The following PCDHA13 variants were observed in gnomAD, a reference collection of about 807,000 sequenced individuals.
PCDHA13 encodes the protein protocadherin alpha 13, also known as protocadherin alpha-13.
PCDHA13 carries 54 observed loss-of-function variants against 64.8 expected under a neutral mutation model. The ratio of observed to expected loss-of-function variants is 0.83; its 90% confidence interval spans 0.67 to 1.04. The LOEUF (loss-of-function observed/expected upper bound fraction) is 1.04, where lower values mean the gene tolerates loss of function less well. Among genes scored for constraint, PCDHA13 ranks in the 50% least tolerant of loss-of-function variants. The pLI, the probability that PCDHA13 is intolerant of heterozygous loss-of-function variation, is 0.00. For missense variants in PCDHA13, 1,248 were observed against 1,254.3 expected (o/e 0.99, Z 0.08); for synonymous variants, 587 against 564.4 (o/e 1.04, Z -0.57).
Position 140,882,182 on chromosome 5 carries a change from G to GACT in PCDHA13, c.-86_-85insCTA, listed in dbSNP as rs1284192603. 1.3e-6 allele frequency: 2 copies of GACT among 1,518,394 alleles called. No individual in the cohort carries two copies. The highest frequency in any genetic ancestry group is 2.8e-5 in the African/African-American group (2 of 71,766). The allele number at this position is 1,518,394 out of a possible 1,614,324, so 94.1% of individuals were successfully genotyped here. On this transcript the variant is annotated 5_prime_UTR_variant, in exon 1 of 4. Coordinates refer to ENST00000289272, the MANE Select transcript of PCDHA13 (RefSeq NM_018904.3). The stretch of plus-strand genomic sequence containing the variant: ...CCTCTTGCGAATCCTTCCGCACTAG[G>GACT]AAGCCATAAAAATTGGGCCTTGAGA...
chr5:140,967,628 T>C (rs1341456967), intron 1 of PCDHA13: 3 of 1,613,984 alleles, frequency 1.9e-6, no homozygotes, highest in Non-Finnish European at 2.5e-6. Context: ...GGATGAGGGC[T>C]CCAATGGTGA....
intron 1 of PCDHA13, chr5:140,926,295 C>T (rs1554203253): frequency 6.6e-6 from 1 of 152,322 alleles, no homozygotes; most frequent in African/African-American, 2.4e-5. Flanking sequence ...CGCTGAGTCC[C>T]GCCCTCTCCG....
chr5:140,974,309 TGA>T (rs1190034770), intron 1 of PCDHA13, among the ~76,000 whole-genome samples: 4 of 152,212 alleles, frequency 2.6e-5, no homozygotes, highest in South Asian at 4.1e-4. Context: ...CAACTGTGAG[TGA>T]GAGAGTAGCT....
chr5:140,974,350 C>A (rs555781549), intron 1 of PCDHA13, among the ~76,000 whole-genome samples: 1 of 152,186 alleles, frequency 6.6e-6, no homozygotes, highest in African/African-American at 2.4e-5. Context: ...GCATCCAGAA[C>A]TAAACAGACC....
intron 1 of PCDHA13, among the ~76,000 whole-genome samples, chr5:140,942,781 A>G (rs1554215214): frequency 6.6e-6 from 1 of 152,214 alleles, no homozygotes; most frequent in Admixed American, 6.5e-5. Context: ...TTTAGGCAGA[A>G]TATTACAAAG....
chr5:140,922,735 G>C (rs1370700616), intron 1 of PCDHA13, among the ~76,000 whole-genome samples: 1 of 152,078 alleles, frequency 6.6e-6, no homozygotes, highest in Non-Finnish European at 1.5e-5. Context: ...ACAAGGTTGA[G>C]AAAAATAAAT....
At chr5:140,947,086 CTG>C (rs1554218047) in intron 1 of PCDHA13, among the ~76,000 whole-genome samples, 1 of 151,518 alleles carries the variant, frequency 6.6e-6, no homozygotes, top group African/African-American at 2.4e-5. Context: ...AAACATCAGA[CTG>C]TAGCCCATAA....
chr5:140,926,702 G>C (rs2083474783), intron 1 of PCDHA13: 1 of 832,476 alleles, frequency 1.2e-6, no homozygotes, highest in South Asian at 2.8e-5. Context: ...CCGGCTCCCA[G>C]CTGGCCAGCC....
At chr5:140,956,217 T>A (rs1554222303) in intron 1 of PCDHA13, among the ~76,000 whole-genome samples, 1 of 152,208 alleles carries the variant, frequency 6.6e-6, no homozygotes, top group Non-Finnish European at 1.5e-5. Context: ...GGCATCCTTG[T>A]CTTGTGCTGG....
In PCDHA13 at chr5:140,981,860, A is replaced by C. The variant is rs377325751; in HGVS notation, c.2454-615A>C. On this transcript the variant is annotated intron_variant, in intron 2 of 3. Coordinates refer to ENST00000289272, the MANE Select transcript of PCDHA13 (RefSeq NM_018904.3). ...TCCCAGTTTGTATCTCACTCCCAGC[A>C]ATGTTTTATGCTGAATTAATCTCTT... Among the ~76,000 whole-genome samples the C allele has an allele frequency of 1.1e-3, 166 of 152,246 alleles. 1 individual carries two copies. The highest frequency in any genetic ancestry group is 3.9e-3 in the African/African-American group (160 of 41,532).
At chr5:140,950,065 G>A (rs1403260430) in intron 1 of PCDHA13, among the ~76,000 whole-genome samples, 1 of 151,574 alleles carries the variant, frequency 6.6e-6, no homozygotes, top group Non-Finnish European at 1.5e-5. Context: ...AGCTCTTCCT[G>A]TGCCATTGCT....
At chr5:140,924,751 C>T (rs1554202122) in intron 1 of PCDHA13, among the ~76,000 whole-genome samples, 39 of 151,566 alleles carry the variant, frequency 2.6e-4, no homozygotes, top group Non-Finnish European at 5.2e-4. Context: ...AAAAATTAAC[C>T]GAGCATGGTG....
At chr5:140,992,486 A>G (rs2097515048) in intron 3 of PCDHA13, among the ~76,000 whole-genome samples, 1 of 152,182 alleles carries the variant, frequency 6.6e-6, no homozygotes, top group Non-Finnish European at 1.5e-5. Flanking sequence ...CCAGAGGCCA[A>G]TCTGTAAGGA....
In PCDHA13 at chr5:140,882,330, T is replaced by C. The variant is rs1554173536; in HGVS notation, c.62T>C (p.Leu21Pro). The change falls in exon 1 of 4, where the codon CTC becomes CCC. Residue 21 changes from leucine (L) to proline (P), a missense_variant. By Grantham distance (98) the Leu-to-Pro change is moderately conservative. Coordinates refer to ENST00000289272, the MANE Select transcript of PCDHA13 (RefSeq NM_018904.3). ...CAACTACTGCTCTGGCTTCTGATCC[T>C]CGCAGCCTGGGAGACGGGTAGTGGC... The part of the protein sequence containing the change: ...PRQLLLWLLI[L>P]AAWETGSGQL... 26 of 1,614,056 alleles carry C rather than the reference T, an allele frequency of 1.6e-5. No homozygotes were observed. Among genetic ancestry groups the C allele is most frequent in the Non-Finnish European group, 2.1e-5 (25 of 1,180,050 alleles).
At position 140,974,721 on chromosome 5, in the gene PCDHA13, G is replaced by A. The variant is rs1033117636; in HGVS notation, c.2395-4228G>A. 3.9e-5 allele frequency among the ~76,000 whole-genome samples: 6 copies of A among 152,050 alleles called. No homozygotes were observed. In the East Asian group the frequency reaches 1.2e-3, roughly 29 times the overall value. On this transcript the variant is annotated intron_variant, in intron 1 of 3. Transcript: ENST00000289272. ...TCACCATGTTGTTCAAGCTGCTCTCGAACTCCTGTCTCCACCTTGGCCTCC... is the reference window on the plus strand; with the variant it reads ...TCACCATGTTGTTCAAGCTGCTCTCAAACTCCTGTCTCCACCTTGGCCTCC...
At chr5:140,886,253 T>G (rs2060912572) in intron 1 of PCDHA13, among the ~76,000 whole-genome samples, 1 of 152,034 alleles carries the variant, frequency 6.6e-6, no homozygotes, top group African/African-American at 2.4e-5. Context: ...TAAAAGTATC[T>G]CTATTTATAG....
intron 1 of PCDHA13, among the ~76,000 whole-genome samples, chr5:140,924,898 AAAAAAAATAAAAT>A (rs1214088536): frequency 1.9e-4 from 10 of 53,034 alleles, no homozygotes; most frequent in Non-Finnish European, 1.3e-4. Context: ...CTGTCTCAAA[AAAAAAAATAAAAT>A]AAAATAAAAT....
chr5:140,915,918 T>A (rs1295505621), intron 1 of PCDHA13, among the ~76,000 whole-genome samples: 1 of 152,188 alleles, frequency 6.6e-6, no homozygotes, highest in Admixed American at 6.5e-5. Flanking sequence ...CCAGAGATGC[T>A]ACTTGGGAGT....
intron 3 of PCDHA13, among the ~76,000 whole-genome samples, chr5:141,005,701 CAA>C (rs59860837): frequency 3.2e-3 from 25 of 7,784 alleles, no homozygotes; most frequent in African/African-American, 6.6e-3. Flanking sequence ...AACTCCGTCT[CAA>C]AAAAAAAAAA....
Sources: gnomAD v4.1 joint callset for allele counts (sites outside exome capture counted in the v4.1 genomes callset) on GRCh38, gnomAD v4.1.1 for gene constraint, MANE v1.5 for transcripts, NCBI Gene and HGNC (gene_info 2026-07-23, HGNC 2026-07-21) for gene names.